The following DCUN1D3 variants were observed in gnomAD, a reference collection of about 807,000 sequenced individuals.
DCUN1D3 encodes the protein DCN1-like protein 3.
A neutral mutation model predicts 24.8 loss-of-function variants in DCUN1D3; 6 were observed. The observed-to-expected ratio is 0.24, with a 90% CI of 0.13 to 0.48. The LOEUF (loss-of-function observed/expected upper bound fraction) is 0.48. Among genes scored for constraint, DCUN1D3 ranks in the 20% least tolerant of loss-of-function variants. The probability of loss-of-function intolerance (pLI) is 0.99; values close to 1 mark genes in which losing one functional copy is unlikely to be tolerated. For synonymous variants in DCUN1D3, 120 were observed against 144.9 expected, an observed-to-expected ratio of 0.83 and a Z score of 1.24; for missense variants, 258 against 379.4, an observed-to-expected ratio of 0.68 and a Z score of 2.66.
chr16:20,862,904 C>A (rs1466799459), intron 1 of DCUN1D3, among the ~76,000 whole-genome samples: 1 of 152,176 alleles, frequency 6.6e-6, no homozygotes, highest in East Asian at 1.9e-4. Context: ...GAGGCCGATT[C>A]ATATGTAGAA....
intron 1 of DCUN1D3, among the ~76,000 whole-genome samples, chr16:20,888,411 C>T (rs896980474): frequency 1.3e-5 from 2 of 152,174 alleles, no homozygotes; most frequent in African/African-American, 4.8e-5. Context: ...GACTCAAACC[C>T]AGACTGACTC....
chr16:20,871,764 T>C (rs2081789483), intron 1 of DCUN1D3, among the ~76,000 whole-genome samples: 2 of 152,242 alleles, frequency 1.3e-5, no homozygotes, highest in African/African-American at 4.8e-5. Context: ...ATCATTTCAC[T>C]GACCCATACT....
At chr16:20,884,345 G>A (rs1053823227) in intron 1 of DCUN1D3, among the ~76,000 whole-genome samples, 1 of 152,068 alleles carries the variant, frequency 6.6e-6, no homozygotes, top group Admixed American at 6.6e-5. Context: ...AAAACAAACA[G>A]CCCCACTCTA....
In DCUN1D3 at chr16:20,872,473, T is replaced by TAA. The variant is rs539641152; in HGVS notation, c.-105-9832_-105-9831dup. On this transcript the variant is annotated intron_variant, in intron 1 of 2. Transcript: ENST00000324344. ...CAACCTCTTAATGTTTGCTAATTCT[T>TAA]AAAAAAAAAAAAAAAAATCTAAATC... Among the ~76,000 whole-genome samples, 227 of 138,414 alleles carry TAA rather than the reference T, an allele frequency of 1.6e-3. 1 individual carries two copies. The highest frequency in any genetic ancestry group is 5.8e-3 in the African/African-American group (217 of 37,594). 90.8% of individuals were successfully genotyped at this position (138,414 alleles called of 152,430 possible). A position where few individuals can be genotyped will look rare whatever the true frequency, so the allele number is the denominator to read the frequency against.
rs752894297 is a variant in DCUN1D3, at chr16:20,860,410, A to G, written c.432-41T>C. 2.5e-6 allele frequency: 4 copies of G among 1,573,550 alleles called. No homozygotes were observed. Among genetic ancestry groups the G allele is most frequent in the South Asian group, 1.2e-5 (1 of 84,760 alleles). On this transcript the variant is annotated intron_variant, in intron 2 of 2. Transcript: ENST00000324344. This position sits in a 1 kb window ranked among gnomAD's most constrained non-coding sequence, Gnocchi z 4.3. The stretch of plus-strand genomic sequence containing the variant: ...AAAGGACAATTAATCATTATAAACT[A>G]TACTATTTACAGGCAATATACATAG...
At chr16:20,891,998 A>G (rs2081894302) in intron 1 of DCUN1D3, among the ~76,000 whole-genome samples, 1 of 152,056 alleles carries the variant, frequency 6.6e-6, no homozygotes, top group Admixed American at 6.5e-5. Flanking sequence ...CCCAGTCCAC[A>G]ATACCACCAA....
chr16:20,893,578 G>T (rs757142987), intron 1 of DCUN1D3, among the ~76,000 whole-genome samples: 5 of 152,140 alleles, frequency 3.3e-5, no homozygotes, highest in Non-Finnish European at 5.9e-5. Flanking sequence ...TAATAGGGTA[G>T]CCCAATATAA....
intron 1 of DCUN1D3, among the ~76,000 whole-genome samples, chr16:20,899,536 A>AG (rs1161422985): frequency 6.6e-6 from 1 of 152,098 alleles, no homozygotes; most frequent in Non-Finnish European, 1.5e-5. Flanking sequence ...GGAAAGGGGA[A>AG]GAAAAAAAAA....
intron 1 of DCUN1D3, among the ~76,000 whole-genome samples, chr16:20,873,623 C>G (rs1431873848): frequency 6.6e-6 from 1 of 152,212 alleles, no homozygotes; most frequent in Non-Finnish European, 1.5e-5. Context: ...CAATTTTCAC[C>G]AGCAGATCCT....
chr16:20,877,232 C>G (rs186258715), intron 1 of DCUN1D3, among the ~76,000 whole-genome samples: 1 of 150,764 alleles, frequency 6.6e-6, no homozygotes, highest in East Asian at 1.9e-4. Flanking sequence ...TATCAATTAA[C>G]AAAAAAATGG....
Position 20,872,473 on chromosome 16 carries a change from T to TAAAAA in DCUN1D3, c.-105-9835_-105-9831dup, listed in dbSNP as rs539641152. The stretch of plus-strand genomic sequence containing the variant: ...CAACCTCTTAATGTTTGCTAATTCT[T>TAAAAA]AAAAAAAAAAAAAAAAATCTAAATC... On this transcript the variant is annotated intron_variant, in intron 1 of 2. Coordinates refer to ENST00000324344, the MANE Select transcript of DCUN1D3 (RefSeq NM_173475.4). Among the ~76,000 whole-genome samples, 37 of 138,428 alleles carry TAAAAA rather than the reference T, an allele frequency of 2.7e-4. No individual in the cohort carries two copies. In the South Asian group the frequency reaches 3.4e-3, roughly 13 times the overall value. The allele number at this position is 138,428 out of a possible 152,430, so 90.8% of individuals were successfully genotyped here.
chr16:20,870,347 C>T (rs2081782127), intron 1 of DCUN1D3, among the ~76,000 whole-genome samples: 1 of 152,188 alleles, frequency 6.6e-6, no homozygotes, highest in South Asian at 2.1e-4. Flanking sequence ...CAGGGCTACT[C>T]CAATCTGAAC....
At chr16:20,867,203 A>ACC (rs2081766513) in intron 1 of DCUN1D3, among the ~76,000 whole-genome samples, 1 of 152,072 alleles carries the variant, frequency 6.6e-6, no homozygotes, top group South Asian at 2.1e-4. Context: ...CATGACATTT[A>ACC]CCCCTAGGCT....
intron 1 of DCUN1D3, among the ~76,000 whole-genome samples, chr16:20,873,035 G>T (rs1567424887): frequency 6.6e-6 from 1 of 151,528 alleles, no homozygotes. Context: ...AGAACTGCTT[G>T]AAGTGGGACC....
intron 1 of DCUN1D3, among the ~76,000 whole-genome samples, chr16:20,875,210 GCACACACACA>G (rs3222584): frequency 6.6e-4 from 92 of 140,342 alleles, no homozygotes; most frequent in South Asian, 4.0e-3. Flanking sequence ...GTGCGCTCAT[GCACACACACA>G]CACACACACA....
At chr16:20,898,448 A>AC (rs1332985285) in intron 1 of DCUN1D3, among the ~76,000 whole-genome samples, 1 of 152,220 alleles carries the variant, frequency 6.6e-6, no homozygotes, top group Admixed American at 6.5e-5. Context: ...TGCCTGAAAC[A>AC]CTGGCTAGCA....
chr16:20,899,626 C>CG (rs1363173644), intron 1 of DCUN1D3, among the ~76,000 whole-genome samples: 1 of 151,778 alleles, frequency 6.6e-6, no homozygotes, highest in East Asian at 1.9e-4. Flanking sequence ...GTGAGAAGTG[C>CG]GGGGGGTGTG....
intron 1 of DCUN1D3, among the ~76,000 whole-genome samples, chr16:20,895,370 T>C (rs897091026): frequency 6.6e-6 from 1 of 152,126 alleles, no homozygotes; most frequent in African/African-American, 2.4e-5. Context: ...AGGGGGCAGG[T>C]ATTTGTAGTA....
chr16:20,871,124 A>C (rs1447198058), intron 1 of DCUN1D3, among the ~76,000 whole-genome samples: 2 of 152,202 alleles, frequency 1.3e-5, no homozygotes, highest in Non-Finnish European at 2.9e-5. Context: ...GCCACTTCCA[A>C]CTTAAGACTT....
Sources: allele counts gnomAD v4.1 joint callset (sites outside exome capture counted in the v4.1 genomes callset), GRCh38; gene constraint gnomAD v4.1.1; non-coding constraint Gnocchi (gnomAD v3.1); transcripts MANE v1.5; gene names NCBI Gene and HGNC (gene_info 2026-07-23, HGNC 2026-07-21).